Variants in ZFAT observed in about 807,000 individuals in gnomAD.
ZFAT encodes zinc finger and AT-hook domain containing.
ZFAT carries 64 observed loss-of-function variants against 117.7 expected under a neutral mutation model. That is an observed-to-expected ratio of 0.54 (90% confidence interval 0.44 to 0.67). ZFAT has a LOEUF of 0.67. Among genes scored for constraint, ZFAT ranks in the 30% least tolerant of loss-of-function variants. ZFAT has a pLI of 0.00. For synonymous variants in ZFAT, 679 were observed against 615.0 expected, an observed-to-expected ratio of 1.10 and a Z score of -1.54; for missense variants, 1,433 against 1,584.5, an observed-to-expected ratio of 0.90 and a Z score of 1.62.
intron 15 of ZFAT, among the ~76,000 whole-genome samples, chr8:134,499,901 G>T (rs1364674832): frequency 6.6e-6 from 1 of 152,208 alleles, no homozygotes; most frequent in Non-Finnish European, 1.5e-5. Flanking sequence ...ACCAGCTGGG[G>T]ACACCAGATG....
At chr8:134,734,329 C>A in the ZFAT span, among the ~76,000 whole-genome samples, 1 of 152,176 alleles carries the variant, frequency 6.6e-6, no homozygotes, top group Non-Finnish European at 1.5e-5. Context: ...CAGGCTGTTC[C>A]TATACCCTTG....
intron 15 of ZFAT, among the ~76,000 whole-genome samples, chr8:134,484,617 C>T (rs888039885): frequency 6.6e-6 from 1 of 152,132 alleles, no homozygotes; most frequent in African/African-American, 2.4e-5. Flanking sequence ...AAATAGAGCA[C>T]AGATTTTTTG....
chr8:134,793,055 TTAGAAGACCTGTCACC>T, the ZFAT span: 1 of 152,202 alleles, frequency 6.6e-6, no homozygotes, highest in African/African-American at 2.4e-5. Flanking sequence ...GCCAGATTTT[TTAGAAGACCTGTCACC>T]TTTGCTCCCA....
chr8:134,600,327 T>C (rs1040083978), intron 7 of ZFAT, 109 bp downstream of exon 7: 3 of 1,007,722 alleles, frequency 3.0e-6, no homozygotes, highest in Admixed American at 3.4e-5. Context: ...AGGATCTCTC[T>C]ATGTTTTCAG....
At chr8:134,671,834 T>C (rs1234641364) in intron 1 of ZFAT, among the ~76,000 whole-genome samples, 1 of 152,210 alleles carries the variant, frequency 6.6e-6, no homozygotes, top group Non-Finnish European at 1.5e-5. Context: ...GCAGATGACA[T>C]GATTGTATAT....
At chr8:134,679,095 A>G (rs1264954216) in intron 1 of ZFAT, among the ~76,000 whole-genome samples, 1 of 152,240 alleles carries the variant, frequency 6.6e-6, no homozygotes, top group East Asian at 1.9e-4. Flanking sequence ...AATAGGATCT[A>G]ATTAAACTAA....
chr8:134,707,617 C>T (rs1834186369), intron 1 of ZFAT, among the ~76,000 whole-genome samples: 1 of 152,188 alleles, frequency 6.6e-6, no homozygotes, highest in Admixed American at 6.5e-5. Flanking sequence ...ACACCCCAAG[C>T]TCTCCTGGTC....
intron 1 of ZFAT, among the ~76,000 whole-genome samples, chr8:134,701,299 T>G (rs1379533457): frequency 4.6e-5 from 7 of 152,230 alleles, no homozygotes; most frequent in Admixed American, 1.3e-4. Flanking sequence ...CTATCTTATT[T>G]CACTGTGCAC....
At chr8:134,812,017 G>A in the ZFAT span, among the ~76,000 whole-genome samples, 13 of 152,164 alleles carry the variant, frequency 8.5e-5, no homozygotes, top group South Asian at 6.2e-4. Context: ...CATGGCAGGC[G>A]CCTGTAATCC....
chr8:134,495,709 C>A (rs1348694610), intron 15 of ZFAT, among the ~76,000 whole-genome samples: 1 of 152,218 alleles, frequency 6.6e-6, no homozygotes, highest in African/African-American at 2.4e-5. Context: ...GTGGGCAGAT[C>A]ACTTGAGCCC....
intron 11 of ZFAT, among the ~76,000 whole-genome samples, chr8:134,534,227 A>C: frequency 6.6e-6 from 1 of 152,216 alleles, no homozygotes; most frequent in Non-Finnish European, 1.5e-5. Context: ...ATAAACTGAT[A>C]CCTAAAATGC....
intron 1 of ZFAT, among the ~76,000 whole-genome samples, chr8:134,695,247 T>A (rs1833769756): frequency 6.6e-6 from 1 of 151,842 alleles, no homozygotes; most frequent in Non-Finnish European, 1.5e-5. Flanking sequence ...CTCTGAGAAG[T>A]GAGAAGCCTC....
chr8:134,831,360 C>CT, the ZFAT span, among the ~76,000 whole-genome samples: 2 of 152,206 alleles, frequency 1.3e-5, no homozygotes, highest in East Asian at 1.9e-4. Context: ...TCCCAAGTAA[C>CT]TTTTTTATCA....
At chr8:134,650,032 C>T (rs1174792909) in intron 2 of ZFAT, among the ~76,000 whole-genome samples, 1 of 152,176 alleles carries the variant, frequency 6.6e-6, no homozygotes, top group African/African-American at 2.4e-5. Flanking sequence ...TCCTGCTTCT[C>T]CTTTGCCTTC....
chr8:134,682,293 A>G (rs760862512), intron 1 of ZFAT, among the ~76,000 whole-genome samples: 1 of 152,230 alleles, frequency 6.6e-6, no homozygotes, highest in African/African-American at 2.4e-5. Flanking sequence ...AAACGCTGCC[A>G]AATAAACTCA....
intron 15 of ZFAT, among the ~76,000 whole-genome samples, chr8:134,507,570 C>T (rs190295001): frequency 1.6e-4 from 24 of 152,334 alleles, no homozygotes; most frequent in African/African-American, 5.8e-4. Flanking sequence ...CTGTTTTCTC[C>T]TCCCGCAAAC....
the ZFAT span, among the ~76,000 whole-genome samples, chr8:134,741,850 T>A: frequency 6.6e-6 from 1 of 150,574 alleles, no homozygotes; most frequent in South Asian, 2.1e-4. Flanking sequence ...TTTCCACCAG[T>A]CACTTGAAAA....
intron 3 of ZFAT, among the ~76,000 whole-genome samples, chr8:134,622,551 G>A (rs1391479071): frequency 6.6e-6 from 1 of 152,128 alleles, no homozygotes; most frequent in Non-Finnish European, 1.5e-5. Context: ...ACCCGAGCGT[G>A]TCCCTTTTAA....
intron 10 of ZFAT, 81 bp from the exon 11 acceptor site, chr8:134,565,502 GTACACAAAGGTGTTCC>G (rs1824383889): frequency 7.7e-7 from 1 of 1,290,922 alleles, no homozygotes; most frequent in African/African-American, 1.5e-5. Flanking sequence ...ATGGAGCCAG[GTACACAAAGGTGTTCC>G]TTGCCATGTG....
Sources: allele counts gnomAD v4.1 joint callset (sites outside exome capture counted in the v4.1 genomes callset), GRCh38; gene constraint gnomAD v4.1.1; transcripts MANE v1.5; gene names NCBI Gene and HGNC (gene_info 2026-07-23, HGNC 2026-07-21).